The following ARHGAP44 variants were observed in gnomAD, a reference collection of about 807,000 sequenced individuals.
ARHGAP44 encodes Rho GTPase activating protein 44.
A neutral mutation model predicts 106.8 loss-of-function variants in ARHGAP44; 43 were observed. The ratio of observed to expected loss-of-function variants is 0.40; its 90% CI spans 0.32 to 0.52. ARHGAP44 has a LOEUF of 0.52. ARHGAP44 is among the 20% of genes least tolerant of loss of function. ARHGAP44 has a pLI of 0.48. For synonymous variants in ARHGAP44, 439 were observed against 410.3 expected, an observed-to-expected ratio of 1.07 and a Z score of -0.85; for missense variants, 866 against 1,050.5, an observed-to-expected ratio of 0.82 and a Z score of 2.43.
rs571088145 is a variant in ARHGAP44, at chr17:12,969,802, C to T, written c.1524-3500C>T. Among the ~76,000 whole-genome samples the T allele has an allele frequency of 7.0e-4, 107 of 152,268 alleles. 1 individual carries two copies. The highest frequency in any genetic ancestry group is 2.5e-3 in the African/African-American group (105 of 41,560). On this transcript the variant is annotated intron_variant, in intron 16 of 20. Transcript: ENST00000379672. ...GTGCAAGGACATGCTAAATACATCTCAGCACTCAATAATTGATAAACTATC... is the reference window on the plus strand; with the variant it reads ...GTGCAAGGACATGCTAAATACATCTTAGCACTCAATAATTGATAAACTATC...
At chr17:12,891,943 G>A (rs902734153) in intron 1 of ARHGAP44, among the ~76,000 whole-genome samples, 1 of 150,924 alleles carries the variant, frequency 6.6e-6, no homozygotes, top group Non-Finnish European at 1.5e-5. Context: ...TTGCAGGTGC[G>A]CACCACCACG....
chr17:12,954,062 G>GTTTTTT (rs79278587), intron 13 of ARHGAP44, among the ~76,000 whole-genome samples: 3 of 139,790 alleles, frequency 2.1e-5, no homozygotes, highest in African/African-American at 7.9e-5. Flanking sequence ...TAATTTTTGT[G>GTTTTTT]TTTTTTTTTT....
chr17:12,965,141 C>A (rs1035770638), intron 16 of ARHGAP44, among the ~76,000 whole-genome samples: 1 of 152,236 alleles, frequency 6.6e-6, no homozygotes, highest in Non-Finnish European at 1.5e-5. Flanking sequence ...AGCTGCCCCA[C>A]AGACCCCATC....
At chr17:12,833,713 T>A (rs186028074) in intron 1 of ARHGAP44, among the ~76,000 whole-genome samples, 1 of 152,250 alleles carries the variant, frequency 6.6e-6, no homozygotes, top group East Asian at 1.9e-4. Context: ...TAGGGAGACA[T>A]AAGGCATCAA....
chr17:12,808,378 CTGTGAA>C (rs1199003674), intron 1 of ARHGAP44, among the ~76,000 whole-genome samples: 6 of 152,272 alleles, frequency 3.9e-5, no homozygotes, highest in African/African-American at 1.4e-4. Context: ...CAGAGGTTCT[CTGTGAA>C]TGCCCTGTCA....
At chr17:12,872,243 C>A (rs889843071) in intron 1 of ARHGAP44, among the ~76,000 whole-genome samples, 1 of 152,106 alleles carries the variant, frequency 6.6e-6, no homozygotes, top group South Asian at 2.1e-4. Context: ...GCCTTCATAC[C>A]TTCCAATTTA....
chr17:12,913,984 A>G (rs1374323905), intron 4 of ARHGAP44, among the ~76,000 whole-genome samples: 1 of 150,946 alleles, frequency 6.6e-6, no homozygotes, highest in Non-Finnish European at 1.5e-5. Flanking sequence ...AAAAAAAAAA[A>G]AAAAAAGGCA....
At chr17:12,879,877 A>G (rs1018313691) in intron 1 of ARHGAP44, among the ~76,000 whole-genome samples, 2 of 152,116 alleles carry the variant, frequency 1.3e-5, no homozygotes, top group South Asian at 4.1e-4. Flanking sequence ...TATGTAGTCA[A>G]TTAACACATA....
chr17:12,886,418 G>C (rs2322655), intron 1 of ARHGAP44, among the ~76,000 whole-genome samples: 3 of 152,098 alleles, frequency 2.0e-5, no homozygotes, highest in Non-Finnish European at 4.4e-5. Flanking sequence ...TTGGGGAGAA[G>C]TGATATCTTT....
At chr17:12,920,909 G>A (rs947448094) in intron 6 of ARHGAP44, among the ~76,000 whole-genome samples, 3 of 152,198 alleles carry the variant, frequency 2.0e-5, no homozygotes, top group Non-Finnish European at 4.4e-5. Context: ...GTGGCTGTCA[G>A]AGCAGGAATT....
At position 12,976,759 on chromosome 17, in the gene ARHGAP44, C is replaced by T. The variant is rs73294305; in HGVS notation, c.1763+2449C>T. Reference sequence around the variant, plus strand: ...TGATGACTTCAACTCAGAGGATGCTCGGTCCTGGCTGTGTAATTGCTAGGC... The same window carrying T: ...TGATGACTTCAACTCAGAGGATGCTTGGTCCTGGCTGTGTAATTGCTAGGC... On this transcript the variant is annotated intron_variant, in intron 18 of 20. Coordinates refer to ENST00000379672, the MANE Select transcript of ARHGAP44 (RefSeq NM_014859.6). Among the ~76,000 whole-genome samples the T allele has an allele frequency of 5.7e-3, 862 of 152,214 alleles. 8 individuals carry two copies. The highest frequency in any genetic ancestry group is 0.019 in the African/African-American group (800 of 41,524).
intron 1 of ARHGAP44, among the ~76,000 whole-genome samples, chr17:12,885,669 G>A (rs1396561343): frequency 6.6e-6 from 1 of 151,964 alleles, no homozygotes; most frequent in Non-Finnish European, 1.5e-5. Flanking sequence ...GTCTTCATTG[G>A]TTAAGTTTTT....
chr17:12,947,284 T>C (rs2143045522), intron 10 of ARHGAP44, among the ~76,000 whole-genome samples: 1 of 152,324 alleles, frequency 6.6e-6, no homozygotes, highest in East Asian at 1.9e-4. Context: ...GCCAGCCTCC[T>C]TGGCCACAGT....
intron 1 of ARHGAP44, among the ~76,000 whole-genome samples, chr17:12,830,596 A>G (rs2035057928): frequency 6.6e-6 from 1 of 152,196 alleles, no homozygotes; most frequent in Non-Finnish European, 1.5e-5. Context: ...GGTCCAGTCT[A>G]GTCACCATTT....
chr17:12,866,684 G>C (rs2036248265), intron 1 of ARHGAP44, among the ~76,000 whole-genome samples: 1 of 152,180 alleles, frequency 6.6e-6, no homozygotes, highest in Non-Finnish European at 1.5e-5. Flanking sequence ...ACCTGGGCTT[G>C]TACAGCATCT....
chr17:12,872,056 T>A (rs972810384), intron 1 of ARHGAP44, among the ~76,000 whole-genome samples: 1 of 152,234 alleles, frequency 6.6e-6, no homozygotes, highest in Non-Finnish European at 1.5e-5. Flanking sequence ...CTATTCCATA[T>A]AAAGGAGAAT....
intron 1 of ARHGAP44, among the ~76,000 whole-genome samples, chr17:12,794,875 C>T (rs1174873346): frequency 1.3e-5 from 2 of 152,242 alleles, no homozygotes; most frequent in East Asian, 3.9e-4. Flanking sequence ...GTGCTGCAGA[C>T]ATTTTTGTCT....
At chr17:12,828,426 T>C (rs577385848) in intron 1 of ARHGAP44, among the ~76,000 whole-genome samples, 1 of 152,082 alleles carries the variant, frequency 6.6e-6, no homozygotes, top group Non-Finnish European at 1.5e-5. Flanking sequence ...ACAATAGAAG[T>C]TGAATTATAG....
chr17:12,848,298 C>T (rs1235560571), intron 1 of ARHGAP44, among the ~76,000 whole-genome samples: 1 of 151,630 alleles, frequency 6.6e-6, no homozygotes, highest in East Asian at 1.9e-4. Flanking sequence ...ATTTTTTTTC[C>T]CGAAAAAATG....
Sources: gnomAD v4.1 joint callset for allele counts (sites outside exome capture counted in the v4.1 genomes callset) on GRCh38, gnomAD v4.1.1 for gene constraint, MANE v1.5 for transcripts, NCBI Gene and HGNC (gene_info 2026-07-23, HGNC 2026-07-21) for gene names.